The following FOXD4 variants were observed in gnomAD, a reference collection of about 807,000 sequenced individuals.
FOXD4 encodes forkhead box D4.
In FOXD4, 22 loss-of-function variants were observed where a neutral mutation model predicts 26.5. The ratio of observed to expected loss-of-function variants is 0.83; its 90% CI spans 0.59 to 1.18. The LOEUF is 1.18. Among genes scored for constraint, FOXD4 ranks in the 50% most tolerant of loss-of-function variants. The pLI is 0.00. For missense variants in FOXD4, 625 were observed against 605.8 expected, an observed-to-expected ratio of 1.03 and a Z score of -0.33; for synonymous variants, 258 against 273.7, an observed-to-expected ratio of 0.94 and a Z score of 0.57.
Position 118,218 on chromosome 9 carries a change from G to A in FOXD4, c.-99C>T. 1.0e-5 allele frequency: 16 copies of A among 1,606,782 alleles called. No homozygotes were observed. Among genetic ancestry groups the A allele is most frequent in the Admixed American group, 3.3e-5 (2 of 59,774 alleles). On this transcript the variant is annotated 5_prime_UTR_variant, in exon 1 of 1. Transcript: ENST00000382500. ...CCGGGATGAATGTTGCAAGAAGCAG[G>A]AACGCTAGTGGTTACCCTTTGGGAT...
At position 117,465 on chromosome 9, in the gene FOXD4, C is replaced by T; in HGVS notation, c.655G>A (p.Ala219Thr). Reference protein sequence around the residue: ...AHLPHPFPLPAAHAALHNPRP... With the variant: ...AHLPHPFPLPTAHAALHNPRP... ...GGGTTGTGCAGGGCGGCGTGTGCAG[C>T]AGGTAGAGGGAAGGGGTGGGGCAGG... Residue 219 changes from alanine to threonine, a missense_variant, in exon 1 of 1, where the codon GCT (alanine) becomes ACT (threonine). Physicochemically the swap from Ala to Thr is moderately conservative, Grantham distance 58. Transcript: ENST00000382500. 1 of 1,604,754 alleles carries T rather than the reference C, an allele frequency of 6.2e-7. No homozygotes were observed. The highest frequency in any genetic ancestry group is 2.2e-5 in the East Asian group (1 of 44,834).
rs553831995 is a variant in FOXD4 at position 118,240 on chromosome 9, G to A, written c.-121C>T. The A allele has an allele frequency of 1.6e-5, 26 of 1,595,782 alleles. No homozygotes were observed. In the South Asian group the frequency reaches 2.3e-4, roughly 14 times the overall value. The stretch of plus-strand genomic sequence containing the variant: ...CAGGAACGCTAGTGGTTACCCTTTG[G>A]GATGTTTTCCTCTGCTTGTTTCTAC... On this transcript the variant is annotated 5_prime_UTR_variant, in exon 1 of 1. Coordinates refer to ENST00000382500, the MANE Select transcript of FOXD4 (RefSeq NM_207305.5).
In FOXD4 at chr9:117,773, G is replaced by C. The variant is rs762146841; in HGVS notation, c.347C>G (p.Ala116Gly). 2 of 1,613,130 alleles carry C rather than the reference G, an allele frequency of 1.2e-6. No homozygotes were observed. The highest frequency in any genetic ancestry group is 1.3e-5 in the African/African-American group (1 of 74,850). The change falls in exon 1 of 1, where the codon GCC (alanine) becomes GGC (glycine). Residue 116 changes from alanine to glycine, a missense_variant. This residue lies in a region of FOXD4 where 399 missense variants were observed against 329.4 expected (regional missense o/e 1.21). Coordinates refer to ENST00000382500, the MANE Select transcript of FOXD4 (RefSeq NM_207305.5). ...PSSYIALITM[A>G]ILQSPHKRLT... ...GCGCTTGTGCGGGCTTTGCAGGATG[G>C]CCATGGTGATGAGCGCGATGTACGA...
chr9:117,533 C>G lies in FOXD4; in HGVS notation c.587G>C (p.Arg196Pro). The G allele has an allele frequency of 6.2e-7, 1 of 1,612,468 alleles. No individual in the cohort carries two copies. The highest frequency in any genetic ancestry group is 8.5e-7 in the Non-Finnish European group (1 of 1,179,998). The change falls in exon 1 of 1, where the codon CGT (arginine) becomes CCT (proline). Residue 196 changes from arginine to proline, a missense_variant. Around this residue, in one of 3 missense-constraint regions of FOXD4, gnomAD observed 399 missense variants for 329.4 expected, o/e 1.21. Coordinates refer to ENST00000382500, the MANE Select transcript of FOXD4 (RefSeq NM_207305.5). ...TTGGTGGCGCTGGAAACGCTTCCTA[C>G]GCCGGAGAAAGCTGCCATTGTCGAA... Reference protein sequence around the residue: ...DMFDNGSFLRRRKRFQRHQPT... With the variant: ...DMFDNGSFLRPRKRFQRHQPT...
rs1337486163 is a variant in FOXD4, at chr9:116,655, C to A, written c.*145G>T. 7.5e-7 allele frequency: 1 copy of A among 1,333,978 alleles called. No individual in the cohort carries two copies. Among genetic ancestry groups the A allele is most frequent in the South Asian group, 1.4e-5 (1 of 69,428 alleles). 82.6% of individuals were successfully genotyped at this position (1,333,978 alleles called of 1,614,324 possible). A position where few individuals can be genotyped will look rare whatever the true frequency, so the allele number is the denominator to read the frequency against. The stretch of plus-strand genomic sequence containing the variant: ...TACGTTCAGGTGGTTTTTAGAGGAA[C>A]GTAATCCAGCTGTTTCTTTCTAACC... On this transcript the variant is annotated 3_prime_UTR_variant, in exon 1 of 1. Coordinates refer to ENST00000382500, the MANE Select transcript of FOXD4 (RefSeq NM_207305.5).
chr9:118,269 T>C lies in FOXD4; in HGVS notation c.-150A>G, dbSNP rs1819429735. 1 of 1,534,212 alleles carries C rather than the reference T, an allele frequency of 6.5e-7. No individual in the cohort carries two copies. Among genetic ancestry groups the C allele is most frequent in the Non-Finnish European group, 8.9e-7 (1 of 1,127,960 alleles). On this transcript the variant is annotated 5_prime_UTR_variant, in exon 1 of 1. Transcript: ENST00000382500. ...GTTTTCCTCTGCTTGTTTCTACGCC[T>C]TTGCAACAACGTCCGGCAAAGATGC...
chr9:118,173 C>CGGG lies in FOXD4; in HGVS notation c.-55_-54insCCC. 2 of 1,607,524 alleles carry CGGG rather than the reference C, an allele frequency of 1.2e-6. No individual in the cohort carries two copies. The highest frequency in any genetic ancestry group is 1.7e-6 in the Non-Finnish European group (2 of 1,177,894). ...ATGTGGCGGCCGGATCACCTGGCCC[C>CGGG]GGCGGGCTGAGCTGGAAGCCCGGGA... On this transcript the variant is annotated 5_prime_UTR_variant, in exon 1 of 1. Coordinates refer to ENST00000382500, the MANE Select transcript of FOXD4 (RefSeq NM_207305.5).
chr9:117,529 C>T lies in FOXD4; in HGVS notation c.591G>A (p.Arg197=). ...TCGGTTGGTGGCGCTGGAAACGCTT[C>T]CTACGCCGGAGAAAGCTGCCATTGT... ...MFDNGSFLRR[R]KRFQRHQPTP... Residue 197 remains arginine (R), a synonymous_variant, in exon 1 of 1, where the codon AGG becomes AGA. Coordinates refer to ENST00000382500, the MANE Select transcript of FOXD4 (RefSeq NM_207305.5). The T allele has an allele frequency of 6.2e-7, 1 of 1,612,370 alleles. No individual in the cohort carries two copies. The highest frequency in any genetic ancestry group is 8.5e-7 in the Non-Finnish European group (1 of 1,179,988).
At position 118,327 on chromosome 9, in the gene FOXD4, T is replaced by C. The variant is rs931568822; in HGVS notation, c.-208A>G. On this transcript the variant is annotated 5_prime_UTR_variant, in exon 1 of 1. The change abolishes an upstream ATG in the 5' untranslated region. Coordinates refer to ENST00000382500, the MANE Select transcript of FOXD4 (RefSeq NM_207305.5). ...TTTTATAAAAGCTTCTTCAAGACCA[T>C]GTGTGGTGGACGCCTCCCTTTATAA... 2.7e-5 allele frequency: 27 copies of C among 1,011,526 alleles called. No homozygotes were observed. The South Asian group carries it at 2.7e-4, about 10-fold the overall frequency. 62.7% of individuals were successfully genotyped at this position (1,011,526 alleles called of 1,614,324 possible).
rs146643280 is a variant in FOXD4, at chr9:117,485, G to T, written c.635C>A (p.Pro212His). The T allele has an allele frequency of 6.2e-7, 1 of 1,609,368 alleles. No individual in the cohort carries two copies. Among genetic ancestry groups the T allele is most frequent in the South Asian group, 1.1e-5 (1 of 90,990 alleles). The change falls in exon 1 of 1, where the codon CCC becomes CAC. Residue 212 changes from proline (P) to histidine (H), a missense_variant. Pro to His is a moderately conservative substitution (Grantham distance 77). Around this residue, in one of 3 missense-constraint regions of FOXD4, gnomAD observed 399 missense variants for 329.4 expected, o/e 1.21. Coordinates refer to ENST00000382500, the MANE Select transcript of FOXD4 (RefSeq NM_207305.5). ...TGCAGCAGGTAGAGGGAAGGGGTGGGGCAGGTGGGCTCCCGGGGTCGGTTG... is the reference window on the plus strand; with the variant it reads ...TGCAGCAGGTAGAGGGAAGGGGTGGTGCAGGTGGGCTCCCGGGGTCGGTTG... ...RHQPTPGAHLPHPFPLPAAHA... is the reference protein window; with the variant it reads ...RHQPTPGAHLHHPFPLPAAHA...
In FOXD4 at chr9:117,340, G is replaced by C. The variant is rs568620123; in HGVS notation, c.780C>G (p.His260Gln). 1 of 1,594,944 alleles carries C rather than the reference G, an allele frequency of 6.3e-7. No homozygotes were observed. The highest frequency in any genetic ancestry group is 2.2e-5 in the East Asian group (1 of 44,810). The change falls in exon 1 of 1, where the codon CAC (histidine) becomes CAG (glutamine). Residue 260 changes from histidine (H) to glutamine (Q), a missense_variant. Physicochemically the swap from His to Gln is conservative, Grantham distance 24. Coordinates refer to ENST00000382500, the MANE Select transcript of FOXD4 (RefSeq NM_207305.5). ...GPGRRPYALL[H>Q]PHPPRYLLLS... ...GCAGTAGGTAGCGAGGAGGATGCGG[G>C]TGCAGCAGAGCGTAAGGGCGTCTCC... is the stretch of plus-strand genomic sequence containing the variant.
chr9:116,654 A>G lies in FOXD4; in HGVS notation c.*146T>C. 7.5e-7 allele frequency: 1 copy of G among 1,326,128 alleles called. No individual in the cohort carries two copies. The highest frequency in any genetic ancestry group is 1.0e-6 in the Non-Finnish European group (1 of 965,400). 82.1% of individuals were successfully genotyped at this position (1,326,128 alleles called of 1,614,324 possible). A position where few individuals can be genotyped will look rare whatever the true frequency, so the allele number is the denominator to read the frequency against. Reference sequence around the variant, plus strand: ...TTACGTTCAGGTGGTTTTTAGAGGAACGTAATCCAGCTGTTTCTTTCTAAC... The same window carrying G: ...TTACGTTCAGGTGGTTTTTAGAGGAGCGTAATCCAGCTGTTTCTTTCTAAC... On this transcript the variant is annotated 3_prime_UTR_variant, in exon 1 of 1. Coordinates refer to ENST00000382500, the MANE Select transcript of FOXD4 (RefSeq NM_207305.5).
chr9:118,154 C>T lies in FOXD4; in HGVS notation c.-35G>A. 3.8e-6 allele frequency: 6 copies of T among 1,581,618 alleles called. No individual in the cohort carries two copies. The highest frequency in any genetic ancestry group is 4.3e-6 in the Non-Finnish European group (5 of 1,167,610). On this transcript the variant is annotated 5_prime_UTR_variant, in exon 1 of 1. Coordinates refer to ENST00000382500, the MANE Select transcript of FOXD4 (RefSeq NM_207305.5). ...GGTGCTTCAGTCGCAGGGGATGTGG[C>T]GGCCGGATCACCTGGCCCCGGCGGG...
chr9:118,065 C>A lies in FOXD4; in HGVS notation c.55G>T (p.Asp19Tyr), dbSNP rs754306058. 7 of 1,612,018 alleles carry A rather than the reference C, an allele frequency of 4.3e-6. No individual in the cohort carries two copies. The South Asian group carries it at 6.6e-5, about 15-fold the overall frequency. ...LRSTPQRSLR[D>Y]SDGEDGKIDV... ...ATTTTACCGTCTTCCCCATCGGAGT[C>A]CCGGAGGCTGCGCTGCGGTGTGGAG... The change falls in exon 1 of 1, where the codon GAC (aspartate) becomes TAC (tyrosine). Residue 19 changes from aspartate to tyrosine, a missense_variant. Transcript: ENST00000382500.
chr9:117,945 G>A lies in FOXD4; in HGVS notation c.175C>T (p.Arg59Trp). The change falls in exon 1 of 1, where the codon CGG becomes TGG. Residue 59 changes from arginine (R) to tryptophan (W), a missense_variant. Arg to Trp is a moderately radical substitution (Grantham distance 101, BLOSUM62 -3). Transcript: ENST00000382500. Reference protein sequence around the residue: ...QSLQPGLQVARWGGVALPREH... With the variant: ...QSLQPGLQVAWWGGVALPREH... ...CGGGGAAGCGCAACCCCGCCCCACC[G>A]GGCCACCTGCAGCCCCGGCTGGAGC... 1 of 1,611,884 alleles carries A rather than the reference G, an allele frequency of 6.2e-7. No homozygotes were observed. The highest frequency in any genetic ancestry group is 2.2e-5 in the East Asian group (1 of 44,882).
rs533860885 is a variant in FOXD4, at chr9:118,105, T to C, written c.15A>G (p.Arg5=). ...GCGGTGTGGAGCGAAGGCGCTCAGC[T>C]CTTGGCAAGTTCATGGCGGAGCAGG... MNLP[R]AERLRSTPQR... is the part of the protein sequence containing the mutation. Residue 5 remains arginine (R), a synonymous_variant, in exon 1 of 1, where the codon AGA becomes AGG. Coordinates refer to ENST00000382500, the MANE Select transcript of FOXD4 (RefSeq NM_207305.5). 1.2e-6 allele frequency: 2 copies of C among 1,611,972 alleles called. No homozygotes were observed. The highest frequency in any genetic ancestry group is 1.7e-6 in the Non-Finnish European group (2 of 1,179,834).
rs111374744 is a variant in FOXD4 at position 117,373 on chromosome 9, G to A, written c.747C>T (p.Thr249=). ...PQPVPGAYPN[T]GPGRRPYALL... ...GAGCGTAAGGGCGTCTCCCGGGGCC[G>A]GTGTTGGGGTAGGCCCCCGGGACTG... Residue 249 remains threonine (T), a synonymous_variant, in exon 1 of 1, where the codon ACC becomes ACT. Coordinates refer to ENST00000382500, the MANE Select transcript of FOXD4 (RefSeq NM_207305.5). 2 of 1,585,010 alleles carry A rather than the reference G, an allele frequency of 1.3e-6. No homozygotes were observed. Among genetic ancestry groups the A allele is most frequent in the Non-Finnish European group, 1.7e-6 (2 of 1,170,524 alleles).
Position 117,417 on chromosome 9 carries a change from C to A in FOXD4, c.703G>T (p.Ala235Ser), listed in dbSNP as rs766282238. ...GGGACTGGCTGCGGCGGGGCAGGGG[C>A]CCCAAGCAGAGGGCCTGGGCGGGGG... ...HNPRPGPLLG[A>S]PAPPQPVPGA... The change falls in exon 1 of 1, where the codon GCC (alanine) becomes TCC (serine). Residue 235 changes from alanine (A) to serine (S), a missense_variant. Ala to Ser is a moderately conservative substitution (Grantham distance 99). Coordinates refer to ENST00000382500, the MANE Select transcript of FOXD4 (RefSeq NM_207305.5). The A allele has an allele frequency of 1.3e-6, 2 of 1,591,780 alleles. No individual in the cohort carries two copies. Among genetic ancestry groups the A allele is most frequent in the Admixed American group, 3.4e-5 (2 of 59,554 alleles).
At position 118,111 on chromosome 9, in the gene FOXD4, C is replaced by A; in HGVS notation, c.9G>T (p.Leu3Phe). 2 of 1,611,988 alleles carry A rather than the reference C, an allele frequency of 1.2e-6. No individual in the cohort carries two copies. The highest frequency in any genetic ancestry group is 8.5e-7 in the Non-Finnish European group (1 of 1,179,844). ...TGGAGCGAAGGCGCTCAGCTCTTGG[C>A]AAGTTCATGGCGGAGCAGGTGCTTC... MN[L>F]PRAERLRSTP... The change falls in exon 1 of 1, where the codon TTG (leucine) becomes TTT (phenylalanine). Residue 3 changes from leucine (L) to phenylalanine (F), a missense_variant. This residue lies in a region of FOXD4 where 399 missense variants were observed against 329.4 expected (regional missense o/e 1.21). Coordinates refer to ENST00000382500, the MANE Select transcript of FOXD4 (RefSeq NM_207305.5).
Sources: allele counts gnomAD v4.1 joint callset, GRCh38; gene constraint gnomAD v4.1.1; regional missense constraint gnomAD v4.1.1; transcripts MANE v1.5; gene names NCBI Gene and HGNC (gene_info 2026-07-23, HGNC 2026-07-21).